SRSF4: variants seen among roughly 807,000 people sequenced by gnomAD.
SRSF4 encodes serine/arginine-rich splicing factor 4.
A neutral mutation model predicts 48.8 loss-of-function variants in SRSF4; 12 were observed. That is an observed-to-expected ratio of 0.25 (90% CI 0.16 to 0.40). The LOEUF is 0.40. Among genes scored for constraint, SRSF4 ranks in the 10% least tolerant of loss-of-function variants. The pLI is 1.00. For missense variants in SRSF4, 466 were observed against 667.1 expected (o/e 0.70, Z 3.32); for synonymous variants, 248 against 232.5 (o/e 1.07, Z -0.61).
At chr1:29,155,401 A>T (rs1420934894) in intron 3 of SRSF4, among the ~76,000 whole-genome samples, 2 of 152,178 alleles carry the variant, frequency 1.3e-5, no homozygotes, top group African/African-American at 4.8e-5. Context: ...ACTGCACTCC[A>T]GCCTGGGGTA....
At position 29,148,207 on chromosome 1, in the gene SRSF4, G is replaced by C; in HGVS notation, c.*203C>G. 1.3e-6 allele frequency: 1 copy of C among 783,622 alleles called. No individual in the cohort carries two copies. The highest frequency in any genetic ancestry group is 2.2e-6 in the Non-Finnish European group (1 of 463,108). 48.5% of individuals were successfully genotyped at this position (783,622 alleles called of 1,614,324 possible). On this transcript the variant is annotated 3_prime_UTR_variant, in exon 6 of 6. Coordinates refer to ENST00000373795, the MANE Select transcript of SRSF4 (RefSeq NM_005626.5). Reference sequence around the variant, plus strand: ...ATGAGTAAAAGGGGATTTTCAAAGAGAAAATTTTTTTCAGTCGAGCAGGAA... The same window carrying C: ...ATGAGTAAAAGGGGATTTTCAAAGACAAAATTTTTTTCAGTCGAGCAGGAA...
intron 2 of SRSF4, chr1:29,159,745 T>C (rs767935300): frequency 3.6e-6 from 1 of 277,982 alleles, no homozygotes; most frequent in Non-Finnish European, 6.7e-6. Context: ...TTTAAAACTA[T>C]TAACAATTTA....
intron 5 of SRSF4, 57 bp from the exon 6 acceptor site, chr1:29,149,283 TAA>T (rs1217789119): frequency 6.4e-7 from 1 of 1,571,696 alleles, no homozygotes; most frequent in East Asian, 2.2e-5. Context: ...AATCAGGAGA[TAA>T]AAAGACCAAA....
At chr1:29,152,724 G>A (rs1672432463) in intron 4 of SRSF4, among the ~76,000 whole-genome samples, 1 of 152,068 alleles carries the variant, frequency 6.6e-6, no homozygotes, top group Admixed American at 6.6e-5. Context: ...TTCGAGACCA[G>A]TCTGCCCAAC....
chr1:29,172,076 C>G (rs1350532231), intron 1 of SRSF4: 3 of 151,948 alleles, frequency 2.0e-5, no homozygotes, highest in Non-Finnish European at 4.4e-5. Context: ...AAATTAAATT[C>G]CCCATATATT....
intron 1 of SRSF4, among the ~76,000 whole-genome samples, chr1:29,163,418 T>C (rs1672626931): frequency 1.3e-5 from 2 of 152,218 alleles, no homozygotes; most frequent in Non-Finnish European, 2.9e-5. Context: ...ACATGCTGAG[T>C]GGGTTTGGAA....
chr1:29,174,023 T>C (rs1672794722), intron 1 of SRSF4, among the ~76,000 whole-genome samples: 1 of 151,540 alleles, frequency 6.6e-6, no homozygotes, highest in South Asian at 2.1e-4. Context: ...ACTGTGTCTC[T>C]ACTAAAAATA....
rs1356532689 is a variant in SRSF4 at position 29,148,974 on chromosome 1, C to T, written c.921G>A (p.Arg307=). 6.2e-7 allele frequency: 1 copy of T among 1,613,226 alleles called. No homozygotes were observed. Among genetic ancestry groups the T allele is most frequent in the Non-Finnish European group, 8.5e-7 (1 of 1,179,880 alleles). ...TCCCTCGCTTCTCCTCCTCCACTCTCCTCTCCTGACTCCTGCTCCGACTTT... is the reference window on the plus strand; with the variant it reads ...TCCCTCGCTTCTCCTCCTCCACTCTTCTCTCCTGACTCCTGCTCCGACTTT... ...KSKSRSRSQE[R]RVEEEKRGSV... is the part of the protein sequence containing the mutation. The change falls in exon 6 of 6, where the codon AGG becomes AGA. Residue 307 remains arginine, a synonymous_variant. Transcript: ENST00000373795.
intron 3 of SRSF4, among the ~76,000 whole-genome samples, chr1:29,155,652 CA>C (rs1304431824): frequency 1.3e-5 from 2 of 152,032 alleles, no homozygotes; most frequent in Non-Finnish European, 2.9e-5. Flanking sequence ...CCACCATACC[CA>C]GCTGATTTTT....
intron 1 of SRSF4, among the ~76,000 whole-genome samples, chr1:29,176,859 C>G (rs1240978391): frequency 6.6e-6 from 1 of 152,170 alleles, no homozygotes; most frequent in African/African-American, 2.4e-5. Context: ...TTTCACTGTT[C>G]CATGAAACGC....
intron 1 of SRSF4, among the ~76,000 whole-genome samples, chr1:29,163,775 C>T (rs1574196262): frequency 6.6e-6 from 1 of 152,144 alleles, no homozygotes; most frequent in African/African-American, 2.4e-5. Flanking sequence ...AAAACCCCGC[C>T]GAGCTGGCAT....
intron 1 of SRSF4, among the ~76,000 whole-genome samples, chr1:29,179,081 CT>C (rs1672914365): frequency 6.6e-6 from 1 of 152,176 alleles, no homozygotes; most frequent in East Asian, 1.9e-4. Flanking sequence ...TCCTGAAAGG[CT>C]CTTTCCTCTT....
chr1:29,153,953 A>G (rs1558387452), intron 4 of SRSF4, among the ~76,000 whole-genome samples: 2 of 151,696 alleles, frequency 1.3e-5, no homozygotes, highest in Non-Finnish European at 2.9e-5. Context: ...CTGGAGTGGA[A>G]TAGTGCGATC....
At chr1:29,181,202 T>C (rs2151830850) in intron 1 of SRSF4, among the ~76,000 whole-genome samples, 1 of 152,322 alleles carries the variant, frequency 6.6e-6, no homozygotes, top group South Asian at 2.1e-4. Context: ...GCTGTGACCG[T>C]CTGATCCATG....
At position 29,162,708 on chromosome 1, in the gene SRSF4, A is replaced by G. The variant is rs1196717187; in HGVS notation, c.108-2191T>C. 1.3e-5 allele frequency among the ~76,000 whole-genome samples: 2 copies of G among 152,244 alleles called. 1 individual carries two copies. ...TCATACTCTGGCTCGGCACTGTTCA[A>G]TGACTGAATGACCAGGACTGATCTA... On this transcript the variant is annotated intron_variant, in intron 1 of 5. Transcript: ENST00000373795.
At chr1:29,159,528 A>C (rs1672560381) in intron 2 of SRSF4, 42 bp from the exon 3 acceptor site, 4 of 1,471,532 alleles carry the variant, frequency 2.7e-6, no homozygotes, top group Middle Eastern at 3.5e-4. Flanking sequence ...CAGTGGAAGA[A>C]AAGGAAAAAA....
chr1:29,176,082 CT>C (rs1672846177), intron 1 of SRSF4, among the ~76,000 whole-genome samples: 1 of 152,002 alleles, frequency 6.6e-6, no homozygotes, highest in Non-Finnish European at 1.5e-5. Context: ...GAAACCCTGT[CT>C]CTACTAAAAA....
rs1440034790 is a variant in SRSF4 at position 29,148,666 on chromosome 1, G to T, written c.1229C>A (p.Ser410Tyr). 6.2e-7 allele frequency: 1 copy of T among 1,613,992 alleles called. No homozygotes were observed. The highest frequency in any genetic ancestry group is 8.5e-7 in the Non-Finnish European group (1 of 1,180,016). The change falls in exon 6 of 6, where the codon TCC becomes TAC. Residue 410 changes from serine to tyrosine, a missense_variant. By Grantham distance (144) the Ser-to-Tyr change is moderately radical. Transcript: ENST00000373795. ...DRSQSRSPSR[S>Y]VSKEREHAKS... ...GGCATGTTCCCGCTCCTTTGACACG[G>T]AGCGGGATGGAGATCTGGACTGGGA...
In SRSF4 at chr1:29,148,483, C is replaced by T. The variant is rs574970915; in HGVS notation, c.1412G>A (p.Arg471Gln). Reference protein sequence around the residue: ...RSKSASKTRSRSKSRSRSASR... With the variant: ...RSKSASKTRSQSKSRSRSASR... Reference sequence around the variant, plus strand: ...AGCAGACCTGGATCTAGACTTGGACCGAGATCGGGTTTTTGAAGCTGACTT... The same window carrying T: ...AGCAGACCTGGATCTAGACTTGGACTGAGATCGGGTTTTTGAAGCTGACTT... Residue 471 changes from arginine to glutamine, a missense_variant, in exon 6 of 6, where the codon CGG (arginine) becomes CAG (glutamine). Transcript: ENST00000373795. The T allele has an allele frequency of 1.1e-5, 17 of 1,613,820 alleles. No individual in the cohort carries two copies. Among genetic ancestry groups the T allele is most frequent in the East Asian group, 2.2e-5 (1 of 44,868 alleles).
Sources: gnomAD v4.1 joint callset for allele counts (sites outside exome capture counted in the v4.1 genomes callset) on GRCh38, gnomAD v4.1.1 for gene constraint, MANE v1.5 for transcripts, NCBI Gene and HGNC (gene_info 2026-07-23, HGNC 2026-07-21) for gene names.